The following PCDHGA8 variants were observed in gnomAD, a reference collection of about 807,000 sequenced individuals.
The protein encoded by PCDHGA8 is protocadherin gamma-A8.
In PCDHGA8, 45 loss-of-function variants were observed where a neutral mutation model predicts 59.2. The observed-to-expected ratio is 0.76, with a 90% CI of 0.60 to 0.98. The LOEUF (loss-of-function observed/expected upper bound fraction) is 0.98, where lower values mean the gene tolerates loss of function less well. Among genes scored for constraint, PCDHGA8 ranks in the 50% least tolerant of loss-of-function variants. PCDHGA8 has a pLI of 0.00. For missense variants in PCDHGA8, 1,257 were observed against 1,196.2 expected (o/e 1.05, Z -0.75); for synonymous variants, 531 against 519.0 (o/e 1.02, Z -0.32).
chr5:141,487,404 C>A lies in PCDHGA8; in HGVS notation c.2425-7403C>A, dbSNP rs771371344. 1.2e-6 allele frequency: 2 copies of A among 1,614,178 alleles called. No homozygotes were observed. Among genetic ancestry groups the A allele is most frequent in the Non-Finnish European group, 1.7e-6 (2 of 1,180,032 alleles). ...AGATCTCGAAGGAGGGAGGGGCTTC[C>A]CCCTTCCAATGGGATCCTCCGAATC... is the stretch of plus-strand genomic sequence containing the variant. On this transcript the variant is annotated intron_variant, in intron 1 of 3. Coordinates refer to ENST00000398604, the MANE Select transcript of PCDHGA8 (RefSeq NM_032088.2). The surrounding 1 kb of genome is among the most constrained non-coding windows in gnomAD (Gnocchi z 5.0).
At position 141,431,423 on chromosome 5, in the gene PCDHGA8, C is replaced by T; in HGVS notation, c.2424+36186C>T. The T allele has an allele frequency of 3.1e-6, 5 of 1,613,670 alleles. No individual in the cohort carries two copies. Among genetic ancestry groups the T allele is most frequent in the Non-Finnish European group, 4.2e-6 (5 of 1,180,030 alleles). ...GGCCTCCGACGGGGGCGACCCGGTG[C>T]GCACAGGCACCGCGCGCATCCGCGT... On this transcript the variant is annotated intron_variant, in intron 1 of 3. Coordinates refer to ENST00000398604, the MANE Select transcript of PCDHGA8 (RefSeq NM_032088.2). This position sits in a 1 kb window ranked among gnomAD's most constrained non-coding sequence, Gnocchi z 4.8.
intron 1 of PCDHGA8, chr5:141,415,428 G>C (rs948747218): frequency 1.2e-6 from 2 of 1,614,088 alleles, no homozygotes; most frequent in Non-Finnish European, 1.7e-6. Context: ...ACGGGGTTCG[G>C]GCTTTCCTGC....
chr5:141,479,710 T>C (rs901198074), intron 1 of PCDHGA8: 1 of 152,264 alleles, frequency 6.6e-6, no homozygotes, highest in African/African-American at 2.4e-5. Flanking sequence ...GTCCCTGTCC[T>C]TCCAGCCTTA....
chr5:141,422,703 G>GA, intron 1 of PCDHGA8: 1 of 1,603,132 alleles, frequency 6.2e-7, no homozygotes, highest in African/African-American at 1.3e-5. Context: ...CTTACTCTCT[G>GA]ACGGATGACA....
chr5:141,489,713 A>G lies in PCDHGA8; in HGVS notation c.2425-5094A>G. On this transcript the variant is annotated intron_variant, in intron 1 of 3. Coordinates refer to ENST00000398604, the MANE Select transcript of PCDHGA8 (RefSeq NM_032088.2). The surrounding 1 kb of genome is among the most constrained non-coding windows in gnomAD (Gnocchi z 4.5). The stretch of plus-strand genomic sequence containing the variant: ...GCACGATTCCCACTGGACAGTGCCC[A>G]GGATCCGGATGTGGGCACCAATACT... 1.9e-6 allele frequency: 3 copies of G among 1,614,162 alleles called. No individual in the cohort carries two copies. The highest frequency in any genetic ancestry group is 2.5e-6 in the Non-Finnish European group (3 of 1,179,968).
intron 1 of PCDHGA8, chr5:141,427,870 C>A (rs773176633): frequency 3.2e-6 from 5 of 1,558,750 alleles, no homozygotes; most frequent in Non-Finnish European, 4.4e-6. Context: ...TTCGAGCTCA[C>A]GATGCAGGCC....
rs746913952 is a variant in PCDHGA8, at chr5:141,432,898, G to A, written c.2424+37661G>A. The A allele has an allele frequency of 1.2e-6, 2 of 1,614,174 alleles. No homozygotes were observed. Among genetic ancestry groups the A allele is most frequent in the South Asian group, 1.1e-5 (1 of 91,090 alleles). On this transcript the variant is annotated intron_variant, in intron 1 of 3. Transcript: ENST00000398604. This position sits in a 1 kb window ranked among gnomAD's most constrained non-coding sequence, Gnocchi z 6.0. ...TGGCCTTCGTCATCTTGCTGCTGGC[G>A]CTCAGGCTGCGGCGCTGGCACAAGT...
chr5:141,506,180 G>T (rs548366782), intron 3 of PCDHGA8, among the ~76,000 whole-genome samples: 44 of 152,294 alleles, frequency 2.9e-4, no homozygotes, highest in Non-Finnish European at 5.7e-4. Context: ...GCTGGGCGTG[G>T]TGGCTCACGC....
intron 1 of PCDHGA8, chr5:141,410,274 A>G: frequency 4.3e-6 from 7 of 1,613,948 alleles, no homozygotes; most frequent in Non-Finnish European, 5.9e-6. Context: ...CTGCAGTTTT[A>G]CCTGGTGGTG....
At chr5:141,499,689 CT>C (rs545067566) in intron 2 of PCDHGA8, among the ~76,000 whole-genome samples, 4,434 of 119,828 alleles carry the variant, frequency 0.037, 46 homozygotes, top group African/African-American at 0.083. Context: ...TAACAGATGA[CT>C]TTTTTTTTTT....
At chr5:141,443,547 T>C (rs1210940890) in intron 1 of PCDHGA8, among the ~76,000 whole-genome samples, 2 of 152,192 alleles carry the variant, frequency 1.3e-5, no homozygotes, top group Non-Finnish European at 2.9e-5. Context: ...TGGGAAATTG[T>C]TCCAATTCAA....
chr5:141,398,563 G>A lies in PCDHGA8; in HGVS notation c.2424+3326G>A, dbSNP rs375890903. The A allele has an allele frequency of 2.4e-5, 39 of 1,613,842 alleles. No individual in the cohort carries two copies. The African/African-American group carries it at 3.2e-4, about 13-fold the overall frequency. On this transcript the variant is annotated intron_variant, in intron 1 of 3. Coordinates refer to ENST00000398604, the MANE Select transcript of PCDHGA8 (RefSeq NM_032088.2). Reference sequence around the variant, plus strand: ...CTTTGAGCTGCAAATAAGTGAGTCTGCACAGCCTGGCACAAGATTTATACT... The same window carrying A: ...CTTTGAGCTGCAAATAAGTGAGTCTACACAGCCTGGCACAAGATTTATACT...
rs1049831420 is a variant in PCDHGA8 at position 141,486,549 on chromosome 5, C to T, written c.2425-8258C>T. ...AATCCACCCTCTTTCTTTCAGAGGTCACATGAGGTGTTTGTTCCTGAGAAC... is the reference window on the plus strand; with the variant it reads ...AATCCACCCTCTTTCTTTCAGAGGTTACATGAGGTGTTTGTTCCTGAGAAC... On this transcript the variant is annotated intron_variant, in intron 1 of 3. Coordinates refer to ENST00000398604, the MANE Select transcript of PCDHGA8 (RefSeq NM_032088.2). This position sits in a 1 kb window ranked among gnomAD's most constrained non-coding sequence, Gnocchi z 5.0. The T allele has an allele frequency of 3.1e-6, 5 of 1,613,982 alleles. No individual in the cohort carries two copies. In the African/African-American group the frequency reaches 4.0e-5, roughly 13 times the overall value.
In PCDHGA8 at chr5:141,432,908, C is replaced by T. The variant is rs757934634; in HGVS notation, c.2424+37671C>T. On this transcript the variant is annotated intron_variant, in intron 1 of 3. Transcript: ENST00000398604. This position sits in a 1 kb window ranked among gnomAD's most constrained non-coding sequence, Gnocchi z 6.0. Reference sequence around the variant, plus strand: ...CATCTTGCTGCTGGCGCTCAGGCTGCGGCGCTGGCACAAGTCACGCCTGCT... The same window carrying T: ...CATCTTGCTGCTGGCGCTCAGGCTGTGGCGCTGGCACAAGTCACGCCTGCT... 3.7e-5 allele frequency: 60 copies of T among 1,614,050 alleles called. No individual in the cohort carries two copies. Among genetic ancestry groups the T allele is most frequent in the Middle Eastern group, 3.3e-4 (2 of 6,082 alleles).
chr5:141,394,974 A>T lies in PCDHGA8; in HGVS notation c.2161A>T (p.Lys721Ter). Residue 721 changes from lysine to a stop codon, truncating the protein, a stop_gained, in exon 1 of 4, where the codon AAG becomes TAG. Transcript: ENST00000398604. LOFTEE classifies it high-confidence loss of function. ...GGGGCTCAGGCTGAGGCGCTGGCACAAGTCACGCCTGCTCCAGGATTCCGG... is the reference window on the plus strand; with the variant it reads ...GGGGCTCAGGCTGAGGCGCTGGCACTAGTCACGCCTGCTCCAGGATTCCGG... Reference protein sequence around the residue: ...LLGLRLRRWHKSRLLQDSGGR... With the variant: ...LLGLRLRRWH 6.2e-7 allele frequency: 1 copy of T among 1,613,852 alleles called. No individual in the cohort carries two copies. Among genetic ancestry groups the T allele is most frequent in the Non-Finnish European group, 8.5e-7 (1 of 1,179,874 alleles).
At chr5:141,450,556 G>T (rs534127421) in intron 1 of PCDHGA8, among the ~76,000 whole-genome samples, 1 of 151,940 alleles carries the variant, frequency 6.6e-6, no homozygotes, top group African/African-American at 2.4e-5. Flanking sequence ...GCGCAGTCTC[G>T]GCTCACTGCA....
At chr5:141,500,250 C>T (rs913074120) in intron 2 of PCDHGA8, among the ~76,000 whole-genome samples, 4 of 149,826 alleles carry the variant, frequency 2.7e-5, no homozygotes, top group African/African-American at 9.9e-5. Flanking sequence ...GCTCTGTCAC[C>T]CAGGCTGGAC....
rs1358516648 is a variant in PCDHGA8, at chr5:141,489,199, A to C, written c.2425-5608A>C. The C allele has an allele frequency of 1.4e-6, 2 of 1,395,234 alleles. No individual in the cohort carries two copies. The highest frequency in any genetic ancestry group is 2.8e-5 in the South Asian group (2 of 71,520). The allele number at this position is 1,395,234 out of a possible 1,614,324, so 86.4% of individuals were successfully genotyped here. ...CAAGCCCTGGGTCTACCTTGGAGAC[A>C]GGACAGCACAGACTTACTCTCCACA... On this transcript the variant is annotated intron_variant, in intron 1 of 3. Transcript: ENST00000398604. The surrounding 1 kb of genome is among the most constrained non-coding windows in gnomAD (Gnocchi z 4.5).
At chr5:141,414,932 C>T (rs770025434) in intron 1 of PCDHGA8, 3 of 1,614,162 alleles carry the variant, frequency 1.9e-6, no homozygotes, top group Middle Eastern at 1.7e-4. Context: ...CCCCGCTCCG[C>T]AGAGCCCGGC....
Sources: allele counts gnomAD v4.1 joint callset (sites outside exome capture counted in the v4.1 genomes callset), GRCh38; gene constraint gnomAD v4.1.1; non-coding constraint Gnocchi (gnomAD v3.1); transcripts MANE v1.5; gene names NCBI Gene and HGNC (gene_info 2026-07-23, HGNC 2026-07-21).